Variants in RBMS3 observed in about 807,000 individuals in gnomAD.
RBMS3 encodes RNA-binding motif, single-stranded-interacting protein 3.
RBMS3 carries 27 observed loss-of-function variants against 66.8 expected under a neutral mutation model. That is an observed-to-expected ratio of 0.40 (90% CI 0.30 to 0.56). The LOEUF (loss-of-function observed/expected upper bound fraction) is 0.56, where lower values mean the gene tolerates loss of function less well. RBMS3 is among the 20% of genes least tolerant of loss of function. RBMS3 has a pLI of 0.40. For synonymous variants in RBMS3, 188 were observed against 183.0 expected (o/e 1.03, Z -0.22); for missense variants, 513 against 549.5 (o/e 0.93, Z 0.66).
At chr3:29,921,604 A>G (rs13083243) in intron 10 of RBMS3, among the ~76,000 whole-genome samples, 1 of 152,110 alleles carries the variant, frequency 6.6e-6, no homozygotes, top group South Asian at 2.1e-4. Flanking sequence ...GATCAGAGCT[A>G]AGGAGAAAGA....
rs926165052 is a variant in RBMS3 at position 29,697,218 on chromosome 3, A to G, written c.400-42502A>G. The stretch of plus-strand genomic sequence containing the variant: ...ATATTCTTAATGATACAATTGGTTT[A>G]TATTAAAATTTGCTATTGAAACAAA... On this transcript the variant is annotated intron_variant, in intron 4 of 14. Transcript: ENST00000383767. The G allele has an allele frequency of 1.5e-5, 10 of 684,436 alleles. No individual in the cohort carries two copies. In the East Asian group the frequency reaches 1.4e-3, roughly 93 times the overall value. 42.4% of individuals were successfully genotyped at this position (684,436 alleles called of 1,614,324 possible).
At chr3:29,472,305 C>T (rs115467933) in intron 2 of RBMS3, among the ~76,000 whole-genome samples, 4,542 of 151,594 alleles carry the variant, frequency 0.03, 81 homozygotes, top group Non-Finnish European at 0.041. Context: ...TCAAGCGATT[C>T]CCGCCTCAGC....
intron 10 of RBMS3, among the ~76,000 whole-genome samples, chr3:29,931,756 C>T (rs2061133033): frequency 6.6e-6 from 1 of 152,192 alleles, no homozygotes; most frequent in South Asian, 2.1e-4. Flanking sequence ...ATTTGGACAG[C>T]TATTCCTCAA....
At chr3:29,740,551 A>G (rs2054590551) in intron 5 of RBMS3, among the ~76,000 whole-genome samples, 1 of 152,218 alleles carries the variant, frequency 6.6e-6, no homozygotes, top group Non-Finnish European at 1.5e-5. Context: ...TGGAGTTTAA[A>G]TAGTTGTACC....
chr3:29,746,105 T>A (rs905150344), intron 5 of RBMS3, among the ~76,000 whole-genome samples: 1 of 152,170 alleles, frequency 6.6e-6, no homozygotes, highest in African/African-American at 2.4e-5. Flanking sequence ...AGAATAATCA[T>A]ATGAAAATAC....
intron 1 of RBMS3, among the ~76,000 whole-genome samples, chr3:29,371,431 A>G (rs1427561855): frequency 6.6e-6 from 1 of 152,220 alleles, no homozygotes; most frequent in African/African-American, 2.4e-5. Flanking sequence ...GGATTTAAAT[A>G]TCTAGCTGTA....
At chr3:29,354,568 C>T (rs1021393067) in intron 1 of RBMS3, among the ~76,000 whole-genome samples, 5 of 151,266 alleles carry the variant, frequency 3.3e-5, no homozygotes, top group African/African-American at 9.8e-5. Context: ...CACGTGTGCA[C>T]GTGCGCACAC....
At chr3:29,509,325 C>T (rs116474026) in intron 3 of RBMS3, among the ~76,000 whole-genome samples, 78 of 152,212 alleles carry the variant, frequency 5.1e-4, no homozygotes, top group African/African-American at 1.7e-3. Context: ...TTGCCTGTAA[C>T]GTAACAAGCA....
chr3:29,339,675 A>G (rs1470893840), intron 1 of RBMS3, among the ~76,000 whole-genome samples: 1 of 152,062 alleles, frequency 6.6e-6, no homozygotes, highest in Non-Finnish European at 1.5e-5. Flanking sequence ...GTTGCCTCAC[A>G]AGTACAATTC....
intron 2 of RBMS3, among the ~76,000 whole-genome samples, chr3:29,462,639 A>G (rs1181120731): frequency 6.6e-6 from 1 of 151,972 alleles, no homozygotes; most frequent in East Asian, 1.9e-4. Context: ...TACTTACTTT[A>G]CCCCTGTTTC....
Position 30,004,201 on chromosome 3 carries a change from G to T in RBMS3, c.*339G>T. 5 of 188,096 alleles carry T rather than the reference G, an allele frequency of 2.7e-5. No individual in the cohort carries two copies. Among genetic ancestry groups the T allele is most frequent in the Non-Finnish European group, 4.3e-5 (4 of 93,164 alleles). The allele number at this position is 188,096 out of a possible 1,614,324, so 11.7% of individuals were successfully genotyped here. ...TTGAATTCAGAATTTTTCTGAAGGT[G>T]TAGATACTTTTTTTTTTTTTTTAAC... On this transcript the variant is annotated 3_prime_UTR_variant, in exon 15 of 15. Coordinates refer to ENST00000383767, the MANE Select transcript of RBMS3 (RefSeq NM_001003793.3).
chr3:29,644,505 A>G (rs1298880869), intron 4 of RBMS3, among the ~76,000 whole-genome samples: 1 of 152,158 alleles, frequency 6.6e-6, no homozygotes, highest in Non-Finnish European at 1.5e-5. Context: ...CGTGTCTCAG[A>G]TGGAACACGT....
intron 2 of RBMS3, among the ~76,000 whole-genome samples, chr3:29,448,238 T>A (rs1320509747): frequency 2.0e-5 from 3 of 152,194 alleles, no homozygotes; most frequent in African/African-American, 7.2e-5. Flanking sequence ...GCAGTTCAAG[T>A]ATGAACTTGA....
chr3:29,711,692 C>A (rs1473927171), intron 4 of RBMS3, among the ~76,000 whole-genome samples: 1 of 152,172 alleles, frequency 6.6e-6, no homozygotes, highest in Non-Finnish European at 1.5e-5. Flanking sequence ...GGGTCACTTT[C>A]TTCCCATGGC....
intron 3 of RBMS3, among the ~76,000 whole-genome samples, chr3:29,557,600 G>T (rs1474866115): frequency 6.6e-6 from 1 of 152,160 alleles, no homozygotes; most frequent in East Asian, 1.9e-4. Flanking sequence ...CACTGTTCAG[G>T]ATACTCACAC....
At chr3:29,573,675 C>A (rs2047015474) in intron 3 of RBMS3, among the ~76,000 whole-genome samples, 1 of 151,684 alleles carries the variant, frequency 6.6e-6, no homozygotes, top group Admixed American at 6.6e-5. Flanking sequence ...TGAATTTTTT[C>A]TTATTTTTTG....
intron 6 of RBMS3, among the ~76,000 whole-genome samples, chr3:29,840,048 A>G (rs1011758161): frequency 2.6e-5 from 4 of 151,930 alleles, no homozygotes; most frequent in African/African-American, 9.7e-5. Flanking sequence ...CCTTATTCCT[A>G]TCCTTCTCCC....
chr3:29,843,685 T>C (rs2058713998), intron 6 of RBMS3, among the ~76,000 whole-genome samples: 2 of 152,134 alleles, frequency 1.3e-5, no homozygotes, highest in South Asian at 4.1e-4. Flanking sequence ...CTAGGAGCAG[T>C]GCCTCACACC....
chr3:29,990,194 G>GAAAAGATTGAATAGAGAGACTTTTCA lies in RBMS3; in HGVS notation c.1180-885_1180-860dup, dbSNP rs560861294. Among the ~76,000 whole-genome samples, 451 of 146,316 alleles carry GAAAAGATTGAATAGAGAGACTTTTCA rather than the reference G, an allele frequency of 3.1e-3. 8 individuals carry two copies. Among genetic ancestry groups the GAAAAGATTGAATAGAGAGACTTTTCA allele is most frequent in the Admixed American group, 0.026 (382 of 14,472 alleles). On this transcript the variant is annotated intron_variant, in intron 13 of 14. Transcript: ENST00000383767. ...TAATACCAAATAGTAAATTAGGAAA[G>GAAAAGATTGAATAGAGAGACTTTTCA]AAAAGATTGAATAGAGAGACTTTTC...
Sources: gnomAD v4.1 joint callset for allele counts (sites outside exome capture counted in the v4.1 genomes callset) on GRCh38, gnomAD v4.1.1 for gene constraint, MANE v1.5 for transcripts, NCBI Gene and HGNC (gene_info 2026-07-23, HGNC 2026-07-21) for gene names.